The following KCNH2 variants were observed in gnomAD, a reference collection of about 807,000 sequenced individuals.
The protein encoded by KCNH2 is potassium voltage-gated channel subfamily H member 2, also known as voltage-gated inwardly rectifying potassium channel KCNH2.
In KCNH2, 35 loss-of-function variants were observed where a neutral mutation model predicts 95.9. That is an observed-to-expected ratio of 0.37 (90% confidence interval 0.28 to 0.48). KCNH2 has a LOEUF of 0.48. Ranked by LOEUF, KCNH2 falls within the 20% of genes least tolerant of loss-of-function variation. The pLI, the probability that KCNH2 is intolerant of heterozygous loss-of-function variation, is 0.99. For synonymous variants in KCNH2, 786 were observed against 754.7 expected (o/e 1.04, Z -0.68); for missense variants, 1,274 against 1,702.9 (o/e 0.75, Z 4.43).
intron 2 of KCNH2, among the ~76,000 whole-genome samples, chr7:150,970,470 C>A (rs1481374309): frequency 6.6e-6 from 1 of 152,214 alleles, no homozygotes; most frequent in Non-Finnish European, 1.5e-5. Context: ...GTAGATAGCA[C>A]CCTTCAGTTG....
chr7:150,955,891 C>T lies in KCNH2; in HGVS notation c.1128+1400G>A, dbSNP rs540473463. 6.4e-3 allele frequency: 6,111 copies of T among 955,834 alleles called. 22 individuals carry two copies. Among genetic ancestry groups the T allele is most frequent in the Admixed American group, 9.3e-3 (132 of 14,130 alleles). The allele number at this position is 955,834 out of a possible 1,614,324, so 59.2% of individuals were successfully genotyped here. A position where few individuals can be genotyped will look rare whatever the true frequency, so the allele number is the denominator to read the frequency against. On this transcript the variant is annotated intron_variant, in intron 5 of 14. Coordinates refer to ENST00000262186, the MANE Select transcript of KCNH2 (RefSeq NM_000238.4). ...ACTAGGCTCCCCCGCCCCGCCGGTG[C>T]CCAGCCAGCGGCCCCCTCCCCCGCA... is the stretch of plus-strand genomic sequence containing the variant.
At chr7:150,977,144 G>A (rs1801998794) in intron 1 of KCNH2, among the ~76,000 whole-genome samples, 1 of 152,142 alleles carries the variant, frequency 6.6e-6, no homozygotes, top group Admixed American at 6.5e-5. Context: ...AAGGGAATTA[G>A]GTGACAGTCT....
At chr7:150,963,280 T>G (rs963312581) in intron 2 of KCNH2, among the ~76,000 whole-genome samples, 28 of 152,142 alleles carry the variant, frequency 1.8e-4, no homozygotes, top group Non-Finnish European at 3.7e-4. Flanking sequence ...GGAGGGGGCA[T>G]GGGCTGTGGA....
chr7:150,961,291 TCAC>T lies in KCNH2; in HGVS notation c.308-1558_308-1556del, dbSNP rs1277248774. On this transcript the variant is annotated intron_variant, in intron 2 of 14. Transcript: ENST00000262186. This position sits in a 1 kb window ranked among gnomAD's most constrained non-coding sequence, Gnocchi z 6.2. The stretch of plus-strand genomic sequence containing the variant: ...CCCACTCCATCTTAGCAACCCAGCC[TCAC>T]TTTTTTTTTTTTTTTTTTTCTGAGA... Among the ~76,000 whole-genome samples the T allele has an allele frequency of 2.3e-4, 31 of 137,468 alleles. No individual in the cohort carries two copies. The highest frequency in any genetic ancestry group is 8.4e-4 in the African/African-American group (30 of 35,614). The allele number at this position is 137,468 out of a possible 152,430, so 90.2% of individuals were successfully genotyped here.
chr7:150,964,337 G>A (rs1423599949), intron 2 of KCNH2, among the ~76,000 whole-genome samples: 2 of 152,132 alleles, frequency 1.3e-5, no homozygotes, highest in Non-Finnish European at 2.9e-5. Context: ...AACAAGACAC[G>A]CCTGGCACCT....
intron 4 of KCNH2, among the ~76,000 whole-genome samples, 162 bp from the exon 5 acceptor site, chr7:150,957,664 T>C (rs979174720): frequency 3.8e-4 from 58 of 152,312 alleles, no homozygotes; most frequent in Non-Finnish European, 6.5e-4. Flanking sequence ...GTCAGACCCC[T>C]GTCCCACTCT....
intron 2 of KCNH2, among the ~76,000 whole-genome samples, chr7:150,966,770 C>T (rs535439572): frequency 1.3e-5 from 2 of 152,174 alleles, no homozygotes; most frequent in East Asian, 1.9e-4. Flanking sequence ...GCACAAGAAC[C>T]CTGTTGGAGT....
chr7:150,967,776 A>T (rs550612530), intron 2 of KCNH2, among the ~76,000 whole-genome samples: 8 of 152,346 alleles, frequency 5.3e-5, no homozygotes, highest in Admixed American at 2.0e-4. Context: ...CATCAAAATT[A>T]AGTATCTTTG....
In KCNH2 at chr7:150,945,642, T is replaced by G. The variant is rs1584839638; in HGVS notation, c.3331-128A>C. On this transcript the variant is annotated intron_variant, in intron 14 of 14. Transcript: ENST00000262186. The surrounding 1 kb of genome is among the most constrained non-coding windows in gnomAD (Gnocchi z 5.6). ...CAGGAGGGCCAAGAGGAGAGTCAGG[T>G]GGGCAGAGAAGCTGGAGGGGACAAG... 2.0e-6 allele frequency: 2 copies of G among 1,007,260 alleles called. No individual in the cohort carries two copies. The highest frequency in any genetic ancestry group is 1.4e-5 in the South Asian group (1 of 71,756). 62.4% of individuals were successfully genotyped at this position (1,007,260 alleles called of 1,614,324 possible). A position where few individuals can be genotyped will look rare whatever the true frequency, so the allele number is the denominator to read the frequency against.
At chr7:150,974,636 C>T (rs914376566) in intron 2 of KCNH2, 75 bp downstream of exon 2, 14 of 1,116,584 alleles carry the variant, frequency 1.3e-5, no homozygotes, top group African/African-American at 3.2e-5. Flanking sequence ...CACCCCCACG[C>T]ACCCTGCCCC....
chr7:150,950,906 C>A lies in KCNH2; in HGVS notation c.2145+15G>T, dbSNP rs41314372. 1.6e-4 allele frequency: 257 copies of A among 1,613,142 alleles called. 1 individual carries two copies. The African/African-American group carries it at 2.6e-3, about 16-fold the overall frequency. ...CCCAGCCTGCCACCCACTGGCCACG[C>A]TCTGGTGGCCTCACCGCGTTCATGT... On this transcript the variant is annotated intron_variant, in intron 8 of 14. Transcript: ENST00000262186.
intron 9 of KCNH2, chr7:150,949,365 C>A: frequency 1.7e-6 from 2 of 1,183,970 alleles, no homozygotes; most frequent in Non-Finnish European, 2.1e-6. Context: ...AAGCAATGTT[C>A]TTCAAACCAA....
chr7:150,966,884 C>T (rs191294653), intron 2 of KCNH2, among the ~76,000 whole-genome samples: 1 of 152,272 alleles, frequency 6.6e-6, no homozygotes, highest in African/African-American at 2.4e-5. Context: ...ATAAAGATGT[C>T]AGTTCTCCCC....
Position 150,958,357 on chromosome 7 carries a change from G to T in KCNH2, c.618C>A (p.Ser206Arg). The T allele has an allele frequency of 6.7e-7, 1 of 1,485,354 alleles. No individual in the cohort carries two copies. Among genetic ancestry groups the T allele is most frequent in the Non-Finnish European group, 8.9e-7 (1 of 1,125,222 alleles). 92.0% of individuals were successfully genotyped at this position (1,485,354 alleles called of 1,614,324 possible). Residue 206 changes from serine (S) to arginine (R), a missense_variant, in exon 4 of 15, where the codon AGC becomes AGA. By Grantham distance (110) the Ser-to-Arg change is moderately radical (BLOSUM62 -1). This residue lies in a region of KCNH2 where 392 missense variants were observed against 429.9 expected (regional missense o/e 0.91). Transcript: ENST00000262186. The stretch of plus-strand genomic sequence containing the variant: ...CTTCGTCCAGGGCCAGCGACTCGCT[G>T]CTGGGTGCCGCGGGCGTCAGGTCCA... ...VDVDLTPAAP[S>R]SESLALDEVT...
intron 2 of KCNH2, among the ~76,000 whole-genome samples, chr7:150,964,877 T>C (rs1468678504): frequency 6.6e-6 from 1 of 152,140 alleles, no homozygotes; most frequent in East Asian, 1.9e-4. Context: ...GACAGGAAGA[T>C]GCAGCAGGAG....
chr7:150,967,533 T>C (rs946783695), intron 2 of KCNH2, among the ~76,000 whole-genome samples: 2 of 152,194 alleles, frequency 1.3e-5, no homozygotes, highest in Non-Finnish European at 2.9e-5. Context: ...TGCCCCACAA[T>C]TCAGCGGAAA....
intron 5 of KCNH2, among the ~76,000 whole-genome samples, chr7:150,953,440 C>T (rs1208478029): frequency 2.6e-5 from 4 of 152,194 alleles, no homozygotes; most frequent in African/African-American, 7.2e-5. Context: ...CACACAGGTC[C>T]GGGACAGCCC....
At chr7:150,956,335 C>T (rs989050623) in intron 5 of KCNH2, among the ~76,000 whole-genome samples, 3 of 152,140 alleles carry the variant, frequency 2.0e-5, no homozygotes, top group Admixed American at 6.5e-5. Flanking sequence ...GAAAGCCAGG[C>T]GGTGGGAGCA....
chr7:150,978,093 T>C lies in KCNH2; in HGVS notation c.-180A>G. Reference sequence around the variant, plus strand: ...CCTCGCTCGGCTCCCGGCTCCCCGCTCCGGACCCCGGGCCCGGCCTGGAGC... The same window carrying C: ...CCTCGCTCGGCTCCCGGCTCCCCGCCCCGGACCCCGGGCCCGGCCTGGAGC... On this transcript the variant is annotated 5_prime_UTR_variant, in exon 1 of 15. Transcript: ENST00000262186. 5.3e-6 allele frequency: 1 copy of C among 187,022 alleles called. No homozygotes were observed. Among genetic ancestry groups the C allele is most frequent in the Non-Finnish European group, 1.1e-5 (1 of 93,484 alleles). The allele number at this position is 187,022 out of a possible 1,614,324, so 11.6% of individuals were successfully genotyped here.
Sources: allele counts gnomAD v4.1 joint callset (sites outside exome capture counted in the v4.1 genomes callset), GRCh38; gene constraint gnomAD v4.1.1; regional missense constraint gnomAD v4.1.1; non-coding constraint Gnocchi (gnomAD v3.1); transcripts MANE v1.5; gene names NCBI Gene and HGNC (gene_info 2026-07-23, HGNC 2026-07-21).